VPS41: variants seen among roughly 807,000 people sequenced by gnomAD.
VPS41 encodes vacuolar protein sorting-associated protein 41 homolog.
Under a neutral mutation model 130.9 loss-of-function variants are expected in VPS41, and 85 were observed. The ratio of observed to expected loss-of-function variants is 0.65; its 90% CI spans 0.55 to 0.78. VPS41 has a LOEUF of 0.78. Among genes scored for constraint, VPS41 ranks in the 30% least tolerant of loss-of-function variants. The pLI is 0.00. For missense variants in VPS41, 874 were observed against 1,018.7 expected, an observed-to-expected ratio of 0.86 and a Z score of 1.93; for synonymous variants, 335 against 332.9, an observed-to-expected ratio of 1.01 and a Z score of -0.07.
chr7:38,739,053 T>G (rs1429021613), intron 25 of VPS41, among the ~76,000 whole-genome samples: 1 of 152,250 alleles, frequency 6.6e-6, no homozygotes, highest in Non-Finnish European at 1.5e-5. Flanking sequence ...GGCTAATGAA[T>G]GATCTCCCAA....
chr7:38,729,827 G>A (rs1795626308), intron 25 of VPS41, among the ~76,000 whole-genome samples: 1 of 152,208 alleles, frequency 6.6e-6, no homozygotes, highest in African/African-American at 2.4e-5. Context: ...GGGGCACAGT[G>A]TGAGCTCCCA....
intron 2 of VPS41, among the ~76,000 whole-genome samples, chr7:38,881,444 T>C (rs550142487): frequency 2.0e-4 from 31 of 152,348 alleles, no homozygotes; most frequent in African/African-American, 7.5e-4. Context: ...TTTCCCTTGC[T>C]GTGTAACATG....
At chr7:38,817,774 C>T (rs771644450) in intron 7 of VPS41, 43 bp downstream of exon 7, 2 of 1,494,320 alleles carry the variant, frequency 1.3e-6, no homozygotes, top group South Asian at 1.1e-5. Flanking sequence ...GCACACAACA[C>T]CCCTCAAGGC....
chr7:38,762,213 A>G (rs922235054), intron 17 of VPS41, among the ~76,000 whole-genome samples: 2 of 152,186 alleles, frequency 1.3e-5, no homozygotes, highest in Non-Finnish European at 2.9e-5. Context: ...TACCCAAGAA[A>G]TATTTATAAA....
chr7:38,809,906 G>A (rs1035775018), intron 7 of VPS41, among the ~76,000 whole-genome samples: 1 of 151,414 alleles, frequency 6.6e-6, no homozygotes, highest in Non-Finnish European at 1.5e-5. Context: ...CTGCTGACAG[G>A]GAAAGCTGGA....
In VPS41 at chr7:38,825,115, C is replaced by T. The variant is rs144328832; in HGVS notation, c.322-3850G>A. On this transcript the variant is annotated intron_variant, in intron 5 of 28. Transcript: ENST00000310301. The stretch of plus-strand genomic sequence containing the variant: ...ATACACATCACTATCCTTAAGAATT[C>T]GCCAGAAGCAAAAATGTCACTGTCA... 7.9e-5 allele frequency among the ~76,000 whole-genome samples: 12 copies of T among 152,252 alleles called. No individual in the cohort carries two copies. In the East Asian group the frequency reaches 1.5e-3, roughly 20 times the overall value.
At chr7:38,831,788 A>C (rs1785391391) in intron 4 of VPS41, among the ~76,000 whole-genome samples, 2 of 152,244 alleles carry the variant, frequency 1.3e-5, no homozygotes, top group African/African-American at 4.8e-5. Flanking sequence ...AATTTATGTG[A>C]GTGGTCTAAA....
intron 25 of VPS41, among the ~76,000 whole-genome samples, chr7:38,732,357 G>C (rs535312845): frequency 1.3e-5 from 2 of 152,276 alleles, no homozygotes; most frequent in African/African-American, 4.8e-5. Context: ...AATTTTTCAA[G>C]TAAATGACAA....
At chr7:38,804,565 A>T (rs577825421) in intron 7 of VPS41, among the ~76,000 whole-genome samples, 1 of 152,370 alleles carries the variant, frequency 6.6e-6, no homozygotes, top group Admixed American at 6.5e-5. Context: ...GTAACGATCA[A>T]TTCAGCAACC....
At chr7:38,860,697 TTGTGTGTGTGTGTG>T (rs59007809) in intron 4 of VPS41, among the ~76,000 whole-genome samples, 1,530 of 143,346 alleles carry the variant, frequency 0.011, 16 homozygotes, top group Middle Eastern at 0.028. Flanking sequence ...AACAATCTGT[TTGTGTGTGTGTGTG>T]TGTGTGTGTG....
intron 5 of VPS41, among the ~76,000 whole-genome samples, chr7:38,826,487 C>T (rs1785281381): frequency 6.6e-6 from 1 of 152,160 alleles, no homozygotes; most frequent in African/African-American, 2.4e-5. Context: ...GATCAGACCT[C>T]TAAGAACCTG....
rs960588994 is a variant in VPS41 at position 38,745,499 on chromosome 7, C to T, written c.1981+60G>A. 6.6e-6 allele frequency: 9 copies of T among 1,356,674 alleles called. No individual in the cohort carries two copies. In the Admixed American group the frequency reaches 1.2e-4, roughly 18 times the overall value. The allele number at this position is 1,356,674 out of a possible 1,614,324, so 84.0% of individuals were successfully genotyped here. On this transcript the variant is annotated intron_variant, in intron 23 of 28. Transcript: ENST00000310301. Reference sequence around the variant, plus strand: ...CCTATGTCCTTTCTTACACAATTTACTTCATGTTGTCATCCCATTTCTTAG... The same window carrying T: ...CCTATGTCCTTTCTTACACAATTTATTTCATGTTGTCATCCCATTTCTTAG...
intron 4 of VPS41, among the ~76,000 whole-genome samples, chr7:38,857,014 C>A (rs1274680630): frequency 2.0e-5 from 3 of 152,102 alleles, no homozygotes; most frequent in African/African-American, 7.2e-5. Flanking sequence ...TGGGAAGTAA[C>A]AAAGAACTGT....
At position 38,876,337 on chromosome 7, in the gene VPS41, T is replaced by C. The variant is rs543924356; in HGVS notation, c.61-7084A>G. 1.2e-4 allele frequency among the ~76,000 whole-genome samples: 19 copies of C among 152,320 alleles called. 1 individual carries two copies. In the South Asian group the frequency reaches 3.5e-3, roughly 28 times the overall value. ...AATGTTCTCACAATGTCTTTCTAAG[T>C]GAAAGAATAGGTCATAAAACCTGCT... On this transcript the variant is annotated intron_variant, in intron 2 of 28. Coordinates refer to ENST00000310301, the MANE Select transcript of VPS41 (RefSeq NM_014396.4).
intron 4 of VPS41, among the ~76,000 whole-genome samples, chr7:38,845,437 T>G (rs1271745483): frequency 6.6e-6 from 1 of 152,172 alleles, no homozygotes; most frequent in African/African-American, 2.4e-5. Flanking sequence ...ATGCTACAAA[T>G]CCTGCAGTTG....
intron 10 of VPS41, among the ~76,000 whole-genome samples, chr7:38,781,980 G>A (rs1299809384): frequency 6.6e-6 from 1 of 152,148 alleles, no homozygotes; most frequent in Non-Finnish European, 1.5e-5. Flanking sequence ...TGCTTTTTAG[G>A]TGAAATGACC....
At chr7:38,883,382 C>T (rs1395840707) in intron 2 of VPS41, among the ~76,000 whole-genome samples, 2 of 152,196 alleles carry the variant, frequency 1.3e-5, no homozygotes, top group African/African-American at 4.8e-5. Context: ...AGACATCCAG[C>T]ATGACCCTAC....
In VPS41 at chr7:38,898,108, AT is replaced by A; in HGVS notation, c.42del (p.Glu14AspfsTer17). On this transcript the variant is annotated frameshift_variant, in exon 2 of 29. Transcript: ENST00000310301. LOFTEE classifies it high-confidence loss of function. ...CACCTTACCTCAGACTCATCTGTAG[AT>A]TCTTCAAGGGACCCAGTTTCCTATA... ...AEEQETGSLE[E>X]STDESEEEES... 9 of 1,613,838 alleles carry A rather than the reference AT, an allele frequency of 5.6e-6. No homozygotes were observed. The highest frequency in any genetic ancestry group is 6.8e-6 in the Non-Finnish European group (8 of 1,179,772).
chr7:38,758,365 G>A lies in VPS41; in HGVS notation c.1539C>T (p.Thr513=), dbSNP rs752713822. 1 of 1,608,104 alleles carries A rather than the reference G, an allele frequency of 6.2e-7. No homozygotes were observed. ...TTAAGTATACTCACAATTCTGCCAG[G>A]GTTTTAAGTAAAGTCTTGTTCTGAC... The part of the protein sequence containing the change: ...KDSQNKTLLK[T]LAELYTYDKN... Residue 513 remains threonine (T), a synonymous_variant, in exon 18 of 29, where the codon ACC becomes ACT. Coordinates refer to ENST00000310301, the MANE Select transcript of VPS41 (RefSeq NM_014396.4).
Sources: allele counts gnomAD v4.1 joint callset (sites outside exome capture counted in the v4.1 genomes callset), GRCh38; gene constraint gnomAD v4.1.1; transcripts MANE v1.5; gene names NCBI Gene and HGNC (gene_info 2026-07-23, HGNC 2026-07-21).